Variants in SOX5 observed in about 807,000 individuals in gnomAD.
SOX5 encodes transcription factor SOX-5.
A neutral mutation model predicts 92.0 loss-of-function variants in SOX5; 9 were observed. The ratio of observed to expected loss-of-function variants is 0.10; its 90% CI spans 0.06 to 0.17. SOX5 has a LOEUF of 0.17. Among genes scored for constraint, SOX5 ranks in the 10% least tolerant of loss-of-function variants. SOX5 has a pLI of 1.00. For synonymous variants in SOX5, 344 were observed against 336.3 expected, an observed-to-expected ratio of 1.02 and a Z score of -0.25; for missense variants, 642 against 944.5, an observed-to-expected ratio of 0.68 and a Z score of 4.20.
At chr12:23,821,802 G>T (rs142628565) in intron 3 of SOX5, among the ~76,000 whole-genome samples, 1 of 152,148 alleles carries the variant, frequency 6.6e-6, no homozygotes, top group African/African-American at 2.4e-5. Flanking sequence ...TGTATGTGTT[G>T]TTATTGGTCT....
At chr12:23,555,483 G>GAA (rs58190917) in intron 11 of SOX5, among the ~76,000 whole-genome samples, 1 of 142,874 alleles carries the variant, frequency 7.0e-6, no homozygotes, top group South Asian at 2.2e-4. Flanking sequence ...AAGTTTACTG[G>GAA]AAAAAAAAAA....
intron 1 of SOX5, among the ~76,000 whole-genome samples, chr12:24,416,455 T>C (rs1965042859): frequency 1.3e-5 from 2 of 152,216 alleles, no homozygotes; most frequent in South Asian, 4.1e-4. Flanking sequence ...TGAAATGTCA[T>C]TGTTGAAGCC....
intron 9 of SOX5, among the ~76,000 whole-genome samples, chr12:23,581,552 C>A (rs1329277579): frequency 6.6e-6 from 1 of 151,970 alleles, no homozygotes; most frequent in Non-Finnish European, 1.5e-5. Flanking sequence ...CTAAAGGCAA[C>A]AGATAAGAAC....
intron 7 of SOX5, among the ~76,000 whole-genome samples, chr12:23,651,977 T>C (rs1008202311): frequency 6.6e-6 from 1 of 151,960 alleles, no homozygotes; most frequent in African/African-American, 2.4e-5. Context: ...TTTAAATATA[T>C]GCACAATTAC....
chr12:23,848,294 AG>A (rs1432239520), intron 2 of SOX5, among the ~76,000 whole-genome samples: 1 of 152,236 alleles, frequency 6.6e-6, no homozygotes, highest in East Asian at 1.9e-4. Flanking sequence ...TATCCAGATA[AG>A]GTATCCCATT....
At chr12:24,256,485 TCTC>T (rs2140207509) in intron 3 of SOX5, among the ~76,000 whole-genome samples, 2 of 152,278 alleles carry the variant, frequency 1.3e-5, no homozygotes, top group South Asian at 4.2e-4. Flanking sequence ...CCCGGGCCCT[TCTC>T]CTTCTAGTTG....
chr12:23,773,496 C>T lies in SOX5; in HGVS notation c.482-17772G>A, dbSNP rs138435807. Among the ~76,000 whole-genome samples the T allele has an allele frequency of 8.6e-3, 1,316 of 152,168 alleles. 21 individuals are homozygous for T. Among genetic ancestry groups the T allele is most frequent in the African/African-American group, 0.03 (1,261 of 41,516 alleles). ...AAGGGAATCTCCTGCCTCAGCCTTC[C>T]GAGTAGCTAGGACTACAGGCACGTG... is the stretch of plus-strand genomic sequence containing the variant. On this transcript the variant is annotated intron_variant, in intron 3 of 14. Transcript: ENST00000451604.
intron 3 of SOX5, among the ~76,000 whole-genome samples, chr12:23,823,754 A>G (rs2096173556): frequency 6.6e-6 from 1 of 152,204 alleles, no homozygotes; most frequent in Non-Finnish European, 1.5e-5. Context: ...AGGTACACCA[A>G]TCAAACGTAG....
At chr12:23,588,036 G>T (rs1277045780) in intron 9 of SOX5, among the ~76,000 whole-genome samples, 1 of 151,966 alleles carries the variant, frequency 6.6e-6, no homozygotes, top group East Asian at 1.9e-4. Flanking sequence ...TGTCTTCATG[G>T]CAGTGACCAG....
intron 1 of SOX5, among the ~76,000 whole-genome samples, chr12:24,452,081 A>T (rs1313614354): frequency 6.6e-6 from 1 of 152,120 alleles, no homozygotes. Flanking sequence ...ACCTCACACC[A>T]TCCCAATTGC....
rs531222948 is a variant in SOX5 at position 24,211,690 on chromosome 12, G to T, written c.-2+1653C>A. On this transcript the variant is annotated intron_variant, in intron 4 of 4. Transcript: ENST00000446891. ...GCATAATGTAGTAGACCTGCATCAT[G>T]CCAAGAAACATAGATTTAGTTCTGT... Among the ~76,000 whole-genome samples, 4 of 152,304 alleles carry T rather than the reference G, an allele frequency of 2.6e-5. No individual in the cohort carries two copies. The South Asian group carries it at 8.3e-4, about 32-fold the overall frequency.
chr12:23,542,579 C>A (rs1343892711), intron 13 of SOX5, among the ~76,000 whole-genome samples: 1 of 152,082 alleles, frequency 6.6e-6, no homozygotes, highest in Non-Finnish European at 1.5e-5. Flanking sequence ...GTTTTCTGTT[C>A]AATTGAATGT....
At chr12:24,061,064 G>A (rs1939591335) in intron 4 of SOX5, among the ~76,000 whole-genome samples, 1 of 151,920 alleles carries the variant, frequency 6.6e-6, no homozygotes, top group Non-Finnish European at 1.5e-5. Context: ...AAGAGCTCAA[G>A]GTAATACCTG....
At chr12:24,239,749 A>C (rs192856013) in intron 3 of SOX5, among the ~76,000 whole-genome samples, 1 of 152,234 alleles carries the variant, frequency 6.6e-6, no homozygotes, top group African/African-American at 2.4e-5. Flanking sequence ...CAAGAAAACA[A>C]AAGTTTTCTG....
intron 4 of SOX5, among the ~76,000 whole-genome samples, chr12:24,008,823 C>A (rs1158010328): frequency 1.3e-5 from 2 of 152,138 alleles, no homozygotes; most frequent in Non-Finnish European, 2.9e-5. Context: ...AGTATTTATA[C>A]CCCTGTGGAC....
chr12:23,599,128 C>A (rs150021461), intron 9 of SOX5, among the ~76,000 whole-genome samples: 1 of 152,168 alleles, frequency 6.6e-6, no homozygotes, highest in Non-Finnish European at 1.5e-5. Context: ...TAGGAGTCAT[C>A]GGCACTGCTG....
intron 1 of SOX5, among the ~76,000 whole-genome samples, chr12:24,442,776 T>C (rs567182515): frequency 2.7e-4 from 41 of 152,162 alleles, no homozygotes; most frequent in Non-Finnish European, 4.9e-4. Context: ...CATAATGAGT[T>C]AAAGAAGTAA....
At chr12:24,487,899 C>G (rs1946678408) in intron 1 of SOX5, among the ~76,000 whole-genome samples, 1 of 151,950 alleles carries the variant, frequency 6.6e-6, no homozygotes, top group Non-Finnish European at 1.5e-5. Flanking sequence ...AGAGTTCAGA[C>G]AACGCAAGGA....
chr12:24,222,816 T>C (rs1005638786), intron 3 of SOX5, among the ~76,000 whole-genome samples: 25 of 152,338 alleles, frequency 1.6e-4, no homozygotes, highest in African/African-American at 5.8e-4. Context: ...GGACTGAATC[T>C]AATTGTGGGA....
Sources: gnomAD v4.1 joint callset for allele counts (sites outside exome capture counted in the v4.1 genomes callset) on GRCh38, gnomAD v4.1.1 for gene constraint, MANE v1.5 for transcripts, NCBI Gene and HGNC (gene_info 2026-07-23, HGNC 2026-07-21) for gene names.